The following HDLBP variants were observed in gnomAD, a reference collection of about 807,000 sequenced individuals.
HDLBP encodes the protein vigilin.
Under a neutral mutation model 137.3 loss-of-function variants are expected in HDLBP, and 30 were observed. That is an observed-to-expected ratio of 0.22 (90% confidence interval 0.16 to 0.30). The LOEUF (loss-of-function observed/expected upper bound fraction) is 0.30, where lower values mean the gene tolerates loss of function less well. Among genes scored for constraint, HDLBP ranks in the 10% least tolerant of loss-of-function variants. The probability of loss-of-function intolerance (pLI) is 1.00; values close to 1 mark genes in which losing one functional copy is unlikely to be tolerated. For missense variants in HDLBP, 1,119 were observed against 1,667.3 expected, an observed-to-expected ratio of 0.67 and a Z score of 5.73; for synonymous variants, 606 against 596.0, an observed-to-expected ratio of 1.02 and a Z score of -0.24.
intron 16 of HDLBP, among the ~76,000 whole-genome samples, chr2:241,245,245 G>C (rs184290330): frequency 1.9e-4 from 28 of 150,310 alleles, no homozygotes; most frequent in African/African-American, 6.4e-4. Flanking sequence ...GTGCAGCAGC[G>C]CAATCTCAGC....
At chr2:241,254,158 G>A (rs894796042) in intron 9 of HDLBP, among the ~76,000 whole-genome samples, 2 of 152,134 alleles carry the variant, frequency 1.3e-5, no homozygotes, top group African/African-American at 4.8e-5. Context: ...CCAGCTACTT[G>A]GGAAGCTGAG....
In HDLBP at chr2:241,256,581, G is replaced by A; in HGVS notation, c.657+19C>T. ...ACAAGCAGGTAGGCAGGGGCACGAGGCACTCACACAGGCCTCACCTGCTCG... is the reference window on the plus strand; with the variant it reads ...ACAAGCAGGTAGGCAGGGGCACGAGACACTCACACAGGCCTCACCTGCTCG... On this transcript the variant is annotated intron_variant, in intron 6 of 27. Transcript: ENST00000310931. The A allele has an allele frequency of 2.5e-6, 4 of 1,610,998 alleles. No homozygotes were observed. The highest frequency in any genetic ancestry group is 3.4e-6 in the Non-Finnish European group (4 of 1,178,070).
At chr2:241,254,963 C>T in intron 9 of HDLBP, 88 bp downstream of exon 9, 1 of 1,016,526 alleles carries the variant, frequency 9.8e-7, no homozygotes, top group South Asian at 1.3e-5. Flanking sequence ...AGGGCATCCA[C>T]AGTACAAAGG....
At chr2:241,256,115 T>C in intron 7 of HDLBP, 69 bp downstream of exon 7, 1 of 1,344,702 alleles carries the variant, frequency 7.4e-7, no homozygotes, top group Non-Finnish European at 1.1e-6. Context: ...AGGCCTTAAC[T>C]GAATCTCCAG....
chr2:241,293,070 A>G (rs2075059198), intron 1 of HDLBP, among the ~76,000 whole-genome samples: 2 of 152,218 alleles, frequency 1.3e-5, no homozygotes, highest in South Asian at 4.1e-4. Context: ...CAACGTCTAC[A>G]GAGCACTGCT....
rs527558869 is a variant in HDLBP at position 241,299,772 on chromosome 2, G to A, written c.-103+15798C>T. Among the ~76,000 whole-genome samples the A allele has an allele frequency of 1.8e-4, 28 of 151,816 alleles. 1 individual carries two copies. The South Asian group carries it at 5.0e-3, about 27-fold the overall frequency. On this transcript the variant is annotated intron_variant, in intron 1 of 27. Coordinates refer to ENST00000310931, the MANE Select transcript of HDLBP (RefSeq NM_005336.6). ...CTACTAAAAACACAAAAAATTAGCC[G>A]CACATGATGGCGGGCACCCATAGTT...
intron 1 of HDLBP, among the ~76,000 whole-genome samples, chr2:241,281,001 A>C (rs556038430): frequency 1.3e-5 from 2 of 152,370 alleles, no homozygotes; most frequent in South Asian, 4.1e-4. Flanking sequence ...TGAGTAAAGA[A>C]TAATATTTAC....
At chr2:241,271,777 T>A (rs1467532666) in intron 1 of HDLBP, 2 of 152,168 alleles carry the variant, frequency 1.3e-5, no homozygotes, top group Non-Finnish European at 2.9e-5. Flanking sequence ...CTTCCAAAAC[T>A]AAAATTACTC....
chr2:241,229,549 T>G lies in HDLBP; in HGVS notation c.*52A>C. 1 of 1,301,796 alleles carries G rather than the reference T, an allele frequency of 7.7e-7. No individual in the cohort carries two copies. Among genetic ancestry groups the G allele is most frequent in the Non-Finnish European group, 1.1e-6 (1 of 902,088 alleles). The allele number at this position is 1,301,796 out of a possible 1,614,324, so 80.6% of individuals were successfully genotyped here. ...TGGGTCAGATTGAGACAAACCATTGTGTGGTTGGGTTTGGGTCAGCAGGCT... is the reference window on the plus strand; with the variant it reads ...TGGGTCAGATTGAGACAAACCATTGGGTGGTTGGGTTTGGGTCAGCAGGCT... On this transcript the variant is annotated 3_prime_UTR_variant, in exon 28 of 28. Coordinates refer to ENST00000310931, the MANE Select transcript of HDLBP (RefSeq NM_005336.6).
At chr2:241,283,314 G>A (rs570588472) in intron 1 of HDLBP, among the ~76,000 whole-genome samples, 37 of 152,304 alleles carry the variant, frequency 2.4e-4, no homozygotes, top group Non-Finnish European at 4.4e-4. Flanking sequence ...GAAAGTGCAC[G>A]GTGAAGCAGC....
Position 241,235,565 on chromosome 2 carries a change from C to G in HDLBP, c.2934G>C (p.Glu978Asp), listed in dbSNP as rs2070305266. Residue 978 changes from glutamate to aspartate, a missense_variant, in exon 22 of 28, where the codon GAG becomes GAC. Transcript: ENST00000310931. ...EALVPVTIEV[E>D]VPFDLHRYVI... Reference sequence around the variant, plus strand: ...CGTAACGGTGAAGGTCAAAGGGCACCTCTACTTCAATGGTGACAGGAACCA... The same window carrying G: ...CGTAACGGTGAAGGTCAAAGGGCACGTCTACTTCAATGGTGACAGGAACCA... The G allele has an allele frequency of 6.2e-7, 1 of 1,613,920 alleles. No individual in the cohort carries two copies. The highest frequency in any genetic ancestry group is 8.5e-7 in the Non-Finnish European group (1 of 1,179,946).
rs771349752 is a variant in HDLBP, at chr2:241,264,414, A to G, written c.234+34T>C. On this transcript the variant is annotated intron_variant, in intron 4 of 27. Transcript: ENST00000310931. ...AAAATTTACATAGACATGTTACATG[A>G]TAAAATTTTTAAAAGAAAGAATGGT... is the stretch of plus-strand genomic sequence containing the variant. The G allele has an allele frequency of 3.4e-6, 5 of 1,488,552 alleles. No individual in the cohort carries two copies. The African/African-American group carries it at 7.1e-5, about 21-fold the overall frequency. The allele number at this position is 1,488,552 out of a possible 1,614,324, so 92.2% of individuals were successfully genotyped here.
intron 11 of HDLBP, among the ~76,000 whole-genome samples, chr2:241,251,830 A>C (rs2072211642): frequency 1.3e-5 from 2 of 152,144 alleles, no homozygotes; most frequent in Non-Finnish European, 2.9e-5. Flanking sequence ...CAAAAAAATT[A>C]GCTGGGTGTG....
rs780139084 is a variant in HDLBP at position 241,240,998 on chromosome 2, AC to A, written c.2170-877del. On this transcript the variant is annotated intron_variant, in intron 17 of 27. Transcript: ENST00000310931. This position sits in a 1 kb window ranked among gnomAD's most constrained non-coding sequence, Gnocchi z 5.5. The stretch of plus-strand genomic sequence containing the variant: ...TTAAGTGCAGGTTTCACCAAATACC[AC>A]CTAGAGACTCTGCTACTTTTCAAAG... 4.6e-5 allele frequency among the ~76,000 whole-genome samples: 7 copies of A among 152,230 alleles called. No individual in the cohort carries two copies. The highest frequency in any genetic ancestry group is 1.3e-4 in the Admixed American group (2 of 15,288).
chr2:241,271,674 A>T (rs2074047271), intron 1 of HDLBP, among the ~76,000 whole-genome samples: 2 of 152,254 alleles, frequency 1.3e-5, no homozygotes, highest in South Asian at 4.1e-4. Context: ...TTTCAGCCTC[A>T]GTTAATGAGA....
At position 241,271,715 on chromosome 2, in the gene HDLBP, C is replaced by A. The variant is rs992647399; in HGVS notation, c.-102-3174G>T. Among the ~76,000 whole-genome samples the A allele has an allele frequency of 7.2e-5, 11 of 152,170 alleles. No individual in the cohort carries two copies. The East Asian group carries it at 1.9e-3, about 27-fold the overall frequency. On this transcript the variant is annotated intron_variant, in intron 1 of 27. Coordinates refer to ENST00000310931, the MANE Select transcript of HDLBP (RefSeq NM_005336.6). ...AAGTGCTTTAAAGCACCAGACAGGACCGGGTATGGAGGGCACCAAAAAAGC... is the reference window on the plus strand; with the variant it reads ...AAGTGCTTTAAAGCACCAGACAGGAACGGGTATGGAGGGCACCAAAAAAGC...
At chr2:241,286,688 T>C (rs1395791378) in intron 1 of HDLBP, among the ~76,000 whole-genome samples, 1 of 152,230 alleles carries the variant, frequency 6.6e-6, no homozygotes, top group African/African-American at 2.4e-5. Flanking sequence ...GTCCTCACCC[T>C]TGGCAAAGTA....
intron 23 of HDLBP, among the ~76,000 whole-genome samples, chr2:241,234,661 C>T (rs1384677597): frequency 6.6e-6 from 1 of 152,204 alleles, no homozygotes; most frequent in Non-Finnish European, 1.5e-5. Flanking sequence ...TGCAGCGCTC[C>T]GCTCATACAA....
At chr2:241,246,718 T>C in intron 16 of HDLBP, 34 bp downstream of exon 16, 1 of 1,602,800 alleles carries the variant, frequency 6.2e-7, no homozygotes, top group Non-Finnish European at 8.5e-7. Flanking sequence ...GAGATTTTAC[T>C]GGAGGATCTC....
Sources: gnomAD v4.1 joint callset for allele counts (sites outside exome capture counted in the v4.1 genomes callset) on GRCh38, gnomAD v4.1.1 for gene constraint, Gnocchi (gnomAD v3.1) non-coding constraint, MANE v1.5 for transcripts, NCBI Gene and HGNC (gene_info 2026-07-23, HGNC 2026-07-21) for gene names.